Variants in SYT14 observed in about 807,000 individuals in gnomAD.
The protein encoded by SYT14 is synaptotagmin 14.
Under a neutral mutation model 74.2 loss-of-function variants are expected in SYT14, and 32 were observed. The observed-to-expected ratio is 0.43, with a 90% CI of 0.33 to 0.58. SYT14 has a LOEUF of 0.58. Ranked by LOEUF, SYT14 falls within the 20% of genes least tolerant of loss-of-function variation. The pLI is 0.05. For synonymous variants in SYT14, 298 were observed against 337.7 expected (o/e 0.88, Z 1.29); for missense variants, 791 against 981.8 (o/e 0.81, Z 2.60).
At chr1:209,969,641 C>G (rs2079214250) in intron 2 of SYT14, among the ~76,000 whole-genome samples, 2 of 151,886 alleles carry the variant, frequency 1.3e-5, no homozygotes, top group South Asian at 4.2e-4. Flanking sequence ...GCGCGTGCCA[C>G]CACACTGGGC....
At position 209,983,615 on chromosome 1, in the gene SYT14, G is replaced by T. The variant is rs544375326; in HGVS notation, c.-485-30018G>T. Among the ~76,000 whole-genome samples the T allele has an allele frequency of 2.6e-5, 4 of 152,066 alleles. No homozygotes were observed. In the South Asian group the frequency reaches 6.2e-4, roughly 24 times the overall value. ...TTCTCCTGATTTTCTTTGTGTGTGT[G>T]TGTGTTTTTTCTGTCCCTGGTTTAT... On this transcript the variant is annotated intron_variant, in intron 2 of 9. Transcript: ENST00000637265.
At chr1:210,162,351 C>T (rs2102732691) in exon 10 of SYT14, 1 of 443,544 alleles carries the variant, frequency 2.3e-6, no homozygotes, top group Non-Finnish European at 4.5e-6. Flanking sequence ...ATCTTTATTT[C>T]CTCTGAAGTA....
intron 2 of SYT14, among the ~76,000 whole-genome samples, chr1:209,979,044 A>G (rs985599823): frequency 2.6e-5 from 4 of 152,130 alleles, no homozygotes; most frequent in African/African-American, 9.7e-5. Context: ...GTTTGCTAAG[A>G]CCATTGGAAA....
intron 2 of SYT14, among the ~76,000 whole-genome samples, chr1:209,989,650 T>A (rs2079630251): frequency 6.6e-6 from 1 of 152,186 alleles, no homozygotes; most frequent in African/African-American, 2.4e-5. Context: ...TGATAAAAGA[T>A]AATGTGTATT....
chr1:210,015,406 A>G (rs1211512238), intron 3 of SYT14, among the ~76,000 whole-genome samples: 1 of 152,220 alleles, frequency 6.6e-6, no homozygotes, highest in Non-Finnish European at 1.5e-5. Flanking sequence ...AATAGGAATA[A>G]TAATATTTAC....
chr1:210,141,015 T>A (rs1361551613), intron 7 of SYT14, among the ~76,000 whole-genome samples: 2 of 150,078 alleles, frequency 1.3e-5, no homozygotes, highest in African/African-American at 4.9e-5. Context: ...TTTAGGACAC[T>A]TAAATTTTAG....
intron 5 of SYT14, among the ~76,000 whole-genome samples, chr1:210,085,032 T>G (rs917074493): frequency 6.6e-6 from 1 of 152,238 alleles, no homozygotes; most frequent in Non-Finnish European, 1.5e-5. Context: ...CTGCCTAGAA[T>G]GCCAAAGTTT....
At chr1:210,160,674 T>A in intron 9 of SYT14, 55 bp from the exon 9 acceptor site, 1 of 1,484,526 alleles carries the variant, frequency 6.7e-7, no homozygotes, top group South Asian at 1.2e-5. Flanking sequence ...TATAAAAAAT[T>A]GTTTTGAGTT....
At chr1:210,055,389 T>C (rs141332209) in intron 5 of SYT14, among the ~76,000 whole-genome samples, 1 of 152,330 alleles carries the variant, frequency 6.6e-6, no homozygotes, top group African/African-American at 2.4e-5. Context: ...GGTATGCCCA[T>C]TGATAATTTG....
intron 7 of SYT14, among the ~76,000 whole-genome samples, chr1:210,111,024 G>GC (rs2082252050): frequency 6.6e-6 from 1 of 152,224 alleles, no homozygotes; most frequent in Non-Finnish European, 1.5e-5. Context: ...GATTACAGGT[G>GC]TGAGCCACCA....
intron 5 of SYT14, among the ~76,000 whole-genome samples, chr1:210,073,833 T>C (rs1482642352): frequency 2.0e-5 from 3 of 152,156 alleles, no homozygotes; most frequent in South Asian, 4.1e-4. Context: ...GGCCTTAAGC[T>C]GAATCTAAAA....
At chr1:210,109,237 A>G (rs2082214707) in intron 7 of SYT14, among the ~76,000 whole-genome samples, 1 of 152,156 alleles carries the variant, frequency 6.6e-6, no homozygotes, top group Non-Finnish European at 1.5e-5. Flanking sequence ...ATGCAAATCA[A>G]AAACCACAGG....
intron 5 of SYT14, among the ~76,000 whole-genome samples, chr1:210,080,276 C>T (rs1243770359): frequency 6.6e-6 from 1 of 152,020 alleles, no homozygotes; most frequent in Non-Finnish European, 1.5e-5. Context: ...CTCCAGTGTC[C>T]CCTAAAAGAA....
At chr1:210,160,394 A>G (rs539548545) in intron 9 of SYT14, among the ~76,000 whole-genome samples, 1 of 145,270 alleles carries the variant, frequency 6.9e-6, no homozygotes, top group Admixed American at 6.9e-5. Flanking sequence ...CTAAATGGGA[A>G]TGGGAACGGG....
chr1:210,046,861 T>C (rs968335585), intron 5 of SYT14, among the ~76,000 whole-genome samples: 5 of 152,190 alleles, frequency 3.3e-5, no homozygotes, highest in Admixed American at 1.3e-4. Flanking sequence ...GTAAGTATTC[T>C]AAAATCTCTG....
rs143168193 is a variant in SYT14, at chr1:210,109,597, A to G, written c.2034+9136A>G. 0.015 allele frequency among the ~76,000 whole-genome samples: 2,297 copies of G among 149,704 alleles called. 181 individuals carry two copies. In the East Asian group the frequency reaches 0.24, roughly 16 times the overall value. The stretch of plus-strand genomic sequence containing the variant: ...GTCTCAAAAAAAAAAAAAAGAGAGA[A>G]AAAACAAAACAACAACAACAAAAAG... On this transcript the variant is annotated intron_variant, in intron 7 of 9. Transcript: ENST00000637265.
At chr1:210,094,862 A>C (rs1347620403) in intron 6 of SYT14, among the ~76,000 whole-genome samples, 2 of 152,168 alleles carry the variant, frequency 1.3e-5, no homozygotes, top group Non-Finnish European at 2.9e-5. Flanking sequence ...TTTGTATAAA[A>C]CATTCTGGAA....
At chr1:210,089,719 T>A (rs1005736919) in intron 5 of SYT14, among the ~76,000 whole-genome samples, 6 of 152,240 alleles carry the variant, frequency 3.9e-5, no homozygotes, top group African/African-American at 1.4e-4. Context: ...AATTCTGTAG[T>A]GGTCATGTTA....
At chr1:210,079,365 C>G (rs887501683) in intron 5 of SYT14, among the ~76,000 whole-genome samples, 2 of 151,884 alleles carry the variant, frequency 1.3e-5, no homozygotes, top group Admixed American at 1.3e-4. Context: ...TGTGACAAAC[C>G]TGCATATGTA....
Sources: allele counts gnomAD v4.1 joint callset (sites outside exome capture counted in the v4.1 genomes callset), GRCh38; gene constraint gnomAD v4.1.1; transcripts MANE v1.5; gene names NCBI Gene and HGNC (gene_info 2026-07-23, HGNC 2026-07-21).